RANBP2: variants seen among roughly 807,000 people sequenced by gnomAD.
The protein encoded by RANBP2 is RAN binding protein 2, also known as E3 SUMO-protein ligase RanBP2.
Under a neutral mutation model 303.6 loss-of-function variants are expected in RANBP2, and 57 were observed. The observed-to-expected ratio is 0.19, with a 90% CI of 0.15 to 0.23. RANBP2 has a LOEUF of 0.23. RANBP2 is among the 10% of genes least tolerant of loss of function. The pLI, the probability that RANBP2 is intolerant of heterozygous loss-of-function variation, is 1.00. For synonymous variants in RANBP2, 1,167 were observed against 1,301.5 expected (o/e 0.90, Z 2.23); for missense variants, 3,138 against 3,780.8 (o/e 0.83, Z 4.46).
the RANBP2 span, among the ~76,000 whole-genome samples, chr2:109,174,516 G>T: frequency 6.6e-6 from 1 of 152,256 alleles, no homozygotes; most frequent in African/African-American, 2.4e-5. Flanking sequence ...AGGGCAACGG[G>T]CAGTCCTGGA....
chr2:109,516,301 G>T, the RANBP2 span, among the ~76,000 whole-genome samples: 1 of 152,182 alleles, frequency 6.6e-6, no homozygotes, highest in African/African-American at 2.4e-5. Context: ...CTCCCCTGGC[G>T]TCACTGATGG....
the RANBP2 span, among the ~76,000 whole-genome samples, chr2:109,325,528 C>G: frequency 6.6e-6 from 1 of 151,768 alleles, no homozygotes; most frequent in African/African-American, 2.4e-5. Context: ...TCTTGGTTCC[C>G]CGCTTCCCCC....
At chr2:108,742,827 T>C (rs150844750) in intron 7 of RANBP2, among the ~76,000 whole-genome samples, 9,243 of 152,192 alleles carry the variant, frequency 0.061, 344 homozygotes, top group South Asian at 0.16. Context: ...CTCACTCTGT[T>C]GCCCAGGCTG....
At chr2:109,629,341 ATATATATATATATATTT>A in the RANBP2 span, among the ~76,000 whole-genome samples, 43 of 8,218 alleles carry the variant, frequency 5.2e-3, 1 homozygote, top group Admixed American at 0.012. Context: ...ATATATATAT[ATATATATATATATATTT>A]TTTTTTTTTT....
the RANBP2 span, among the ~76,000 whole-genome samples, chr2:109,674,355 C>T: frequency 8.3e-5 from 11 of 132,608 alleles, no homozygotes; most frequent in African/African-American, 3.1e-4. Flanking sequence ...ATGAAGATCG[C>T]TTGAGCTCAG....
chr2:109,445,143 A>G, the RANBP2 span, among the ~76,000 whole-genome samples: 1 of 152,196 alleles, frequency 6.6e-6, no homozygotes, highest in South Asian at 2.1e-4. Context: ...TCCAGAATAC[A>G]GAGCAGAGAT....
At chr2:109,339,209 T>C in the RANBP2 span, among the ~76,000 whole-genome samples, 112 of 151,486 alleles carry the variant, frequency 7.4e-4, no homozygotes, top group African/African-American at 2.5e-3. Flanking sequence ...ATAACTTTTA[T>C]TGAAAAAAAT....
At chr2:109,264,768 C>T in the RANBP2 span, among the ~76,000 whole-genome samples, 1 of 152,224 alleles carries the variant, frequency 6.6e-6, no homozygotes, top group Admixed American at 6.5e-5. Context: ...GCATCTCATT[C>T]TTCTGAGGGC....
the RANBP2 span, among the ~76,000 whole-genome samples, chr2:109,406,502 C>T: frequency 2.7e-4 from 41 of 152,166 alleles, no homozygotes; most frequent in East Asian, 2.9e-3. Context: ...TATGAGTCAC[C>T]GGTAGAAGAG....
chr2:109,107,591 T>C, the RANBP2 span, among the ~76,000 whole-genome samples: 7 of 152,178 alleles, frequency 4.6e-5, no homozygotes, highest in African/African-American at 9.7e-5. Context: ...CTTACTCCTT[T>C]ATAGGGTTTG....
the RANBP2 span, among the ~76,000 whole-genome samples, chr2:109,166,827 A>T: frequency 2.0e-5 from 3 of 152,252 alleles, no homozygotes; most frequent in Non-Finnish European, 4.4e-5. Flanking sequence ...TTAAGTATAA[A>T]ACTATAATCC....
At chr2:108,987,664 C>G in the RANBP2 span, among the ~76,000 whole-genome samples, 1 of 152,216 alleles carries the variant, frequency 6.6e-6, no homozygotes, top group African/African-American at 2.4e-5. Flanking sequence ...ATTAATCCTC[C>G]CACAGCACAG....
chr2:108,758,618 G>A (rs71421346), intron 18 of RANBP2, 70 bp downstream of exon 18: 371,992 of 1,593,156 alleles, frequency 0.23, 45,550 homozygotes, highest in South Asian at 0.32. Context: ...AGTAGATAAC[G>A]TGTGAAATCA....
the RANBP2 span, among the ~76,000 whole-genome samples, chr2:109,445,681 A>ATG: frequency 6.6e-6 from 1 of 151,800 alleles, no homozygotes; most frequent in Non-Finnish European, 1.5e-5. Context: ...GGTATCAAGG[A>ATG]TGTGGGTGAA....
chr2:108,893,742 A>G, the RANBP2 span, among the ~76,000 whole-genome samples: 8 of 151,756 alleles, frequency 5.3e-5, no homozygotes, highest in African/African-American at 1.9e-4. Context: ...ACACACAAAG[A>G]CTCCTGCAAG....
At chr2:109,389,564 C>T in the RANBP2 span, among the ~76,000 whole-genome samples, 1 of 152,218 alleles carries the variant, frequency 6.6e-6, no homozygotes, top group Non-Finnish European at 1.5e-5. Context: ...TTGAAAACCA[C>T]TGCTCTAAGC....
the RANBP2 span, among the ~76,000 whole-genome samples, chr2:108,933,029 C>T: frequency 1.2e-4 from 19 of 152,286 alleles, no homozygotes; most frequent in Middle Eastern, 3.4e-3. Flanking sequence ...TAAGATGGTA[C>T]GCTTGTTTAT....
the RANBP2 span, among the ~76,000 whole-genome samples, chr2:109,123,336 TTCCTTCCTTCC>T: frequency 8.0e-6 from 1 of 125,338 alleles, no homozygotes; most frequent in Admixed American, 7.4e-5. Context: ...CCTTCCTTCC[TTCCTTCCTTCC>T]TTCCTTCCTT....
chr2:109,022,644 G>T, the RANBP2 span, among the ~76,000 whole-genome samples: 4 of 152,138 alleles, frequency 2.6e-5, no homozygotes, highest in Non-Finnish European at 5.9e-5. Context: ...ATTACCTAAA[G>T]GGTATCACAC....
Sources: allele counts gnomAD v4.1 joint callset (sites outside exome capture counted in the v4.1 genomes callset), GRCh38; gene constraint gnomAD v4.1.1; transcripts MANE v1.5; gene names NCBI Gene and HGNC (gene_info 2026-07-23, HGNC 2026-07-21).